The following TM2D3 variants were observed in gnomAD, a reference collection of about 807,000 sequenced individuals.
TM2D3 encodes the protein TM2 domain-containing protein 3.
Under a neutral mutation model 27.3 loss-of-function variants are expected in TM2D3, and 33 were observed. The ratio of observed to expected loss-of-function variants is 1.21; its 90% confidence interval spans 0.92 to 1.61. TM2D3 has a LOEUF of 1.61. Among genes scored for constraint, TM2D3 ranks in the 40% most tolerant of loss-of-function variants. The pLI is 0.00. For synonymous variants in TM2D3, 138 were observed against 122.2 expected, an observed-to-expected ratio of 1.13 and a Z score of -0.85; for missense variants, 364 against 320.8, an observed-to-expected ratio of 1.13 and a Z score of -1.03.
downstream of TM2D3, among the ~76,000 whole-genome samples, chr15:101,637,174 T>C (rs755222771): frequency 1.3e-5 from 2 of 152,232 alleles, no homozygotes; most frequent in African/African-American, 4.8e-5. Context: ...TAATTGGCAA[T>C]TGGTTGAAAG....
downstream of TM2D3, among the ~76,000 whole-genome samples, chr15:101,638,441 C>T (rs1209450086): frequency 5.9e-5 from 9 of 152,038 alleles, no homozygotes; most frequent in East Asian, 3.9e-4. Context: ...ATTACAGGCA[C>T]CTGCCACCAC....
At chr15:101,636,583 T>C (rs1464852958) in intron 4 of TM2D3, 1 of 168,950 alleles carries the variant, frequency 5.9e-6, no homozygotes, top group East Asian at 1.8e-4. Flanking sequence ...GTACTCCTCC[T>C]TCAGGGCCTC....
intron 5 of TM2D3, among the ~76,000 whole-genome samples, chr15:101,643,599 T>TTAAAAAAAAAAAAAAAAAAA (rs1309191747): frequency 1.1e-4 from 5 of 47,330 alleles, no homozygotes; most frequent in Non-Finnish European, 1.6e-4. Flanking sequence ...GAGACTCCGT[T>TTAAAAAAAAAAAAAAAAAAA]AAAAAAAAAA....
rs772051885 is a variant in TM2D3 at position 101,642,495 on chromosome 15, C to T, written c.728G>A (p.Gly243Asp). 58 of 1,611,804 alleles carry T rather than the reference C, an allele frequency of 3.6e-5. No individual in the cohort carries two copies. The highest frequency in any genetic ancestry group is 4.7e-5 in the Non-Finnish European group (55 of 1,178,864). The change falls in exon 6 of 6, where the codon GGC becomes GAC. Residue 243 changes from glycine (G) to aspartate (D), a missense_variant. By Grantham distance (94) the Gly-to-Asp change is moderately conservative (BLOSUM62 -1). Transcript: ENST00000333202. The stretch of plus-strand genomic sequence containing the variant: ...ACACCACAGCTAAATGTACAAAGAG[C>T]CATCTGCTGGTCCAACATAGCCAAC... ...IGVGYVGPAD[G>D]SLYI
Position 101,642,027 on chromosome 15 carries a change from TA to T in TM2D3, c.*451del. ...TACACATGACTGAAGCTGAGCCTAA[TA>T]ACTTCAATTAGCCAACAACAGAAAC... is the stretch of plus-strand genomic sequence containing the variant. On this transcript the variant is annotated 3_prime_UTR_variant, in exon 6 of 6. Coordinates refer to ENST00000333202, the MANE Select transcript of TM2D3 (RefSeq NM_078474.3). 1 of 986,346 alleles carries T rather than the reference TA, an allele frequency of 1.0e-6. No individual in the cohort carries two copies. Among genetic ancestry groups the T allele is most frequent in the Non-Finnish European group, 1.2e-6 (1 of 830,330 alleles). 61.1% of individuals were successfully genotyped at this position (986,346 alleles called of 1,614,324 possible).
chr15:101,635,578 C>G (rs2141355498), intron 4 of TM2D3: 1 of 152,250 alleles, frequency 6.6e-6, no homozygotes, highest in South Asian at 2.1e-4. Flanking sequence ...AAGTAAGCAT[C>G]TATTCCAGTG....
At chr15:101,652,065 C>A in intron 1 of TM2D3, 1 of 559,656 alleles carries the variant, frequency 1.8e-6, no homozygotes, top group Non-Finnish European at 3.1e-6. Flanking sequence ...GCCGCGATGG[C>A]GGGCTCGGTG....
At chr15:101,651,872 A>T in intron 1 of TM2D3, 99 bp from the exon 2 acceptor site, 1 of 1,247,800 alleles carries the variant, frequency 8.0e-7, no homozygotes, top group South Asian at 1.2e-5. Context: ...CAGGCCAATA[A>T]GCTGCTCATG....
rs567927678 is a variant in TM2D3, at chr15:101,643,896, C to T, written c.578+1191G>A. Among the ~76,000 whole-genome samples the T allele has an allele frequency of 5.9e-5, 9 of 152,204 alleles. No homozygotes were observed. In the East Asian group the frequency reaches 1.7e-3, roughly 29 times the overall value. Reference sequence around the variant, plus strand: ...ACAGAATCTCACTCTGTCACTGAGGCTGGAGTGCAGTGGTGCAATGCCAGC... The same window carrying T: ...ACAGAATCTCACTCTGTCACTGAGGTTGGAGTGCAGTGGTGCAATGCCAGC... On this transcript the variant is annotated intron_variant, in intron 5 of 5. Coordinates refer to ENST00000333202, the MANE Select transcript of TM2D3 (RefSeq NM_078474.3).
At chr15:101,645,630 G>A (rs1896785160) in intron 4 of TM2D3, 1 of 153,022 alleles carries the variant, frequency 6.5e-6, no homozygotes, top group Non-Finnish European at 1.5e-5. Context: ...CCAATTCCAG[G>A]TGGATTCTAA....
exon 5 of TM2D3, chr15:101,633,315 C>T (rs193181914): frequency 2.2e-4 from 47 of 216,384 alleles, no homozygotes; most frequent in African/African-American, 1.0e-3. Context: ...TAAAACAACA[C>T]GTTGTGGATG....
Position 101,650,358 on chromosome 15 carries a change from C to T in TM2D3, c.170-197G>A, listed in dbSNP as rs186807204. 351 of 486,850 alleles carry T rather than the reference C, an allele frequency of 7.2e-4. 2 individuals are homozygous for T. The highest frequency in any genetic ancestry group is 6.4e-3 in the African/African-American group (327 of 50,742). The allele number at this position is 486,850 out of a possible 1,614,324, so 30.2% of individuals were successfully genotyped here. The stretch of plus-strand genomic sequence containing the variant: ...GGCCAGCTGTGGGACCTGGTGAGCA[C>T]CACACTTGTAAAACATTACTTCATT... On this transcript the variant is annotated intron_variant, in intron 2 of 5. Transcript: ENST00000333202.
chr15:101,636,161 T>C (rs2141355934), intron 4 of TM2D3: 2 of 152,338 alleles, frequency 1.3e-5, no homozygotes, highest in Middle Eastern at 6.8e-3. Context: ...GTTTATGTAT[T>C]ATTCATCAGT....
exon 5 of TM2D3, chr15:101,633,468 T>G: frequency 2.2e-6 from 1 of 452,864 alleles, no homozygotes; most frequent in Non-Finnish European, 4.0e-6. Context: ...TTCAATTCCT[T>G]GCAGTTGTAG....
At chr15:101,650,482 A>G (rs1323314787) in intron 2 of TM2D3, 1 of 188,876 alleles carries the variant, frequency 5.3e-6, no homozygotes, top group Non-Finnish European at 1.1e-5. Flanking sequence ...AAAGACTATC[A>G]TTTTGTAAGT....
At chr15:101,645,278 A>G (rs575989879) in intron 4 of TM2D3, 116 bp from the exon 5 acceptor site, 3 of 825,084 alleles carry the variant, frequency 3.6e-6, no homozygotes, top group South Asian at 1.7e-5. Flanking sequence ...CTTTACGGTA[A>G]TACATGTTGA....
At chr15:101,633,281 C>G (rs1896487818) in exon 5 of TM2D3, 1 of 175,044 alleles carries the variant, frequency 5.7e-6, no homozygotes, top group Non-Finnish European at 1.2e-5. Flanking sequence ...TGCTTTATAA[C>G]AAATTACTAG....
At chr15:101,651,453 A>G (rs1458665945) in intron 2 of TM2D3, 21 of 477,816 alleles carry the variant, frequency 4.4e-5, no homozygotes, top group Non-Finnish European at 6.7e-5. Context: ...AAATAATAGA[A>G]ATAAGGTGAC....
intron 4 of TM2D3, 84 bp downstream of exon 4, chr15:101,646,641 G>T: frequency 1.3e-6 from 2 of 1,489,592 alleles, no homozygotes; most frequent in South Asian, 1.2e-5. Flanking sequence ...TAAGTAACTT[G>T]ACTCGCAAAT....
Sources: allele counts gnomAD v4.1 joint callset (sites outside exome capture counted in the v4.1 genomes callset), GRCh38; gene constraint gnomAD v4.1.1; transcripts MANE v1.5; gene names NCBI Gene and HGNC (gene_info 2026-07-23, HGNC 2026-07-21).